The following PDE2A variants were observed in gnomAD, a reference collection of about 807,000 sequenced individuals.
The protein encoded by PDE2A is phosphodiesterase 2A.
Under a neutral mutation model 133.6 loss-of-function variants are expected in PDE2A, and 53 were observed. The observed-to-expected ratio is 0.40, with a 90% CI of 0.32 to 0.50. The LOEUF (loss-of-function observed/expected upper bound fraction) is 0.50. Ranked by LOEUF, PDE2A falls within the 20% of genes least tolerant of loss-of-function variation. The probability of loss-of-function intolerance (pLI) is 0.73; values close to 1 mark genes in which losing one functional copy is unlikely to be tolerated. For synonymous variants in PDE2A, 491 were observed against 490.2 expected, an observed-to-expected ratio of 1.00 and a Z score of -0.02; for missense variants, 796 against 1,232.4, an observed-to-expected ratio of 0.65 and a Z score of 5.30.
intron 2 of PDE2A, among the ~76,000 whole-genome samples, chr11:72,617,554 C>T (rs186199686): frequency 4.1e-4 from 63 of 152,352 alleles, no homozygotes; most frequent in Middle Eastern, 3.4e-3. Context: ...TGTCCTATGA[C>T]TGTATTTGGC....
Position 72,606,868 on chromosome 11 carries a change from C to G in PDE2A, c.235-1642G>C, listed in dbSNP as rs779137085. 3.3e-5 allele frequency among the ~76,000 whole-genome samples: 5 copies of G among 152,324 alleles called. No homozygotes were observed. In the Middle Eastern group the frequency reaches 0.01, roughly 311 times the overall value. On this transcript the variant is annotated intron_variant, in intron 3 of 30. Transcript: ENST00000334456. ...TCCGTATGTCTCCCACCCCCTTACT[C>G]TCAGCCCTCTGGGTTAAAATTAGCT... is the stretch of plus-strand genomic sequence containing the variant.
At chr11:72,623,619 T>A (rs547155012) in intron 2 of PDE2A, among the ~76,000 whole-genome samples, 1 of 152,178 alleles carries the variant, frequency 6.6e-6, no homozygotes, top group East Asian at 1.9e-4. Context: ...GGTTTCTGCC[T>A]CCTTGTCCTC....
At chr11:72,633,016 G>GC (rs985524010) in intron 2 of PDE2A, among the ~76,000 whole-genome samples, 1 of 152,000 alleles carries the variant, frequency 6.6e-6, no homozygotes, top group African/African-American at 2.4e-5. Flanking sequence ...CTGTACATAG[G>GC]CCCCCCAGGC....
intron 2 of PDE2A, among the ~76,000 whole-genome samples, chr11:72,619,449 C>T (rs1426984920): frequency 1.3e-5 from 2 of 152,096 alleles, no homozygotes; most frequent in African/African-American, 2.4e-5. Context: ...GGGAGAATTT[C>T]CTTGTGAAAG....
chr11:72,637,086 C>T (rs1440056416), intron 2 of PDE2A, among the ~76,000 whole-genome samples: 1 of 138,358 alleles, frequency 7.2e-6, no homozygotes, highest in Non-Finnish European at 1.5e-5. Flanking sequence ...ACCATTCTCT[C>T]CCCTCTGTCC....
intron 1 of PDE2A, among the ~76,000 whole-genome samples, chr11:72,656,257 TC>T (rs1050472815): frequency 6.6e-6 from 1 of 152,284 alleles, no homozygotes; most frequent in Admixed American, 6.5e-5. Flanking sequence ...CCTCGGGACC[TC>T]AGTTTCTTCA....
intron 12 of PDE2A, 122 bp from the exon 13 acceptor site, chr11:72,589,036 G>A (rs1350308006): frequency 1.6e-6 from 2 of 1,259,518 alleles, no homozygotes; most frequent in Non-Finnish European, 2.3e-6. Context: ...GAAGCTCTGT[G>A]TCATGGAGAT....
Position 72,577,453 on chromosome 11 carries a change from C to A in PDE2A, c.2757G>T (p.Glu919Asp), listed in dbSNP as rs567979752. ...TGCCATCCAGATCAGGCACCTCGTA[C>A]TCCTCATCCAGGAAGTCCAGCGAGT... ...SNNSLDFLDE[E>D]YEVPDLDGTR... is the part of the protein sequence containing the mutation. The change falls in exon 31 of 31, where the codon GAG becomes GAT. Residue 919 changes from glutamate (E) to aspartate (D), a missense_variant. Physicochemically the swap from Glu to Asp is conservative, Grantham distance 45. This residue lies in a region of PDE2A where 83 missense variants were observed against 99.0 expected (regional missense o/e 0.84). Transcript: ENST00000334456. 6.2e-7 allele frequency: 1 copy of A among 1,614,060 alleles called. No individual in the cohort carries two copies. The highest frequency in any genetic ancestry group is 8.5e-7 in the Non-Finnish European group (1 of 1,180,012).
intron 2 of PDE2A, among the ~76,000 whole-genome samples, chr11:72,626,746 A>AC (rs1858098427): frequency 6.6e-6 from 1 of 151,730 alleles, no homozygotes; most frequent in Non-Finnish European, 1.5e-5. Flanking sequence ...GCCTAGTGCT[A>AC]CCCCCGCAGC....
intron 1 of PDE2A, among the ~76,000 whole-genome samples, chr11:72,647,275 C>T (rs1435304215): frequency 1.3e-5 from 2 of 152,220 alleles, no homozygotes; most frequent in South Asian, 2.1e-4. Flanking sequence ...ACACCCCCAC[C>T]TGGAAGCCCA....
chr11:72,603,762 A>G (rs1856854345), intron 4 of PDE2A, among the ~76,000 whole-genome samples: 1 of 152,200 alleles, frequency 6.6e-6, no homozygotes, highest in African/African-American at 2.4e-5. Context: ...CTTTGTTCCC[A>G]TGCTCCTTGA....
chr11:72,578,998 G>C lies in PDE2A; in HGVS notation c.2368C>G (p.Arg790Gly), dbSNP rs372841217. Residue 790 changes from arginine (R) to glycine (G), a missense_variant, in exon 28 of 31, where the codon CGA (arginine) becomes GGA (glycine). By Grantham distance (125) the Arg-to-Gly change is moderately radical (BLOSUM62 -2). This residue lies in a region of PDE2A where 19 missense variants were observed against 16.0 expected (regional missense o/e 1.18). Coordinates refer to ENST00000334456, the MANE Select transcript of PDE2A (RefSeq NM_002599.5). The surrounding 1 kb of genome is among the most constrained non-coding windows in gnomAD (Gnocchi z 4.2). ...LQKMAEVGYD[R>G]NNKQHHRLLL... Reference sequence around the variant, plus strand: ...AGTCTGTGGTGCTGCTTGTTGTTTCGGTCGTAGCCCACTGTTGAGGGGAGG... The same window carrying C: ...AGTCTGTGGTGCTGCTTGTTGTTTCCGTCGTAGCCCACTGTTGAGGGGAGG... 6 of 1,612,130 alleles carry C rather than the reference G, an allele frequency of 3.7e-6. No individual in the cohort carries two copies. The African/African-American group carries it at 8.0e-5, about 22-fold the overall frequency.
At chr11:72,646,707 C>T (rs1859136120) in intron 1 of PDE2A, among the ~76,000 whole-genome samples, 1 of 152,158 alleles carries the variant, frequency 6.6e-6, no homozygotes, top group South Asian at 2.1e-4. Flanking sequence ...TACCACTTCC[C>T]GTCCAGCCAT....
chr11:72,583,581 C>T, intron 19 of PDE2A, 66 bp from the exon 20 acceptor site: 1 of 1,095,772 alleles, frequency 9.1e-7, no homozygotes, highest in East Asian at 2.3e-5. Context: ...ATGCCCAGGA[C>T]TGGGATGAAG....
In PDE2A at chr11:72,578,366, T is replaced by C; in HGVS notation, c.2509-27A>G. On this transcript the variant is annotated intron_variant, in intron 29 of 30. Transcript: ENST00000334456. This position sits in a 1 kb window ranked among gnomAD's most constrained non-coding sequence, Gnocchi z 4.2. ...TGCAGGCATCGAGTCGTCAGGCCTG[T>C]CCCTCTCATTCCTCCATCGGGTACC... 1 of 1,577,312 alleles carries C rather than the reference T, an allele frequency of 6.3e-7. No individual in the cohort carries two copies. Among genetic ancestry groups the C allele is most frequent in the Non-Finnish European group, 8.7e-7 (1 of 1,146,468 alleles).
intron 1 of PDE2A, among the ~76,000 whole-genome samples, chr11:72,646,103 A>G (rs1481549143): frequency 3.3e-5 from 5 of 152,214 alleles, no homozygotes; most frequent in African/African-American, 1.2e-4. Flanking sequence ...CTCGGACACC[A>G]GGAAGCCCAG....
chr11:72,646,112 A>G (rs1224907362), intron 1 of PDE2A, among the ~76,000 whole-genome samples: 2 of 152,196 alleles, frequency 1.3e-5, no homozygotes, highest in East Asian at 1.9e-4. Flanking sequence ...CAGGAAGCCC[A>G]GTCCCAGCCC....
At chr11:72,598,913 T>C (rs564424315) in intron 4 of PDE2A, 9 of 985,384 alleles carry the variant, frequency 9.1e-6, no homozygotes, top group Middle Eastern at 5.2e-4. Flanking sequence ...TGGGCTCCAG[T>C]TCCCGGCTGT....
At chr11:72,612,194 C>T (rs145829377) in intron 2 of PDE2A, among the ~76,000 whole-genome samples, 13 of 152,256 alleles carry the variant, frequency 8.5e-5, no homozygotes, top group Non-Finnish European at 1.6e-4. Flanking sequence ...GGCTCTCACA[C>T]AAACACGCAC....
Sources: allele counts gnomAD v4.1 joint callset (sites outside exome capture counted in the v4.1 genomes callset), GRCh38; gene constraint gnomAD v4.1.1; regional missense constraint gnomAD v4.1.1; non-coding constraint Gnocchi (gnomAD v3.1); transcripts MANE v1.5; gene names NCBI Gene and HGNC (gene_info 2026-07-23, HGNC 2026-07-21).